Variants in PLEKHA5 observed in about 807,000 individuals in gnomAD.
PLEKHA5 encodes pleckstrin homology domain containing A5.
In PLEKHA5, 55 loss-of-function variants were observed where a neutral mutation model predicts 181.9. The ratio of observed to expected loss-of-function variants is 0.30; its 90% CI spans 0.24 to 0.38. The LOEUF (loss-of-function observed/expected upper bound fraction) is 0.38. Ranked by LOEUF, PLEKHA5 falls within the 10% of genes least tolerant of loss-of-function variation. PLEKHA5 has a pLI of 1.00. For missense variants in PLEKHA5, 1,432 were observed against 1,549.5 expected, an observed-to-expected ratio of 0.92 and a Z score of 1.27; for synonymous variants, 535 against 529.4, an observed-to-expected ratio of 1.01 and a Z score of -0.15.
intron 3 of PLEKHA5, among the ~76,000 whole-genome samples, chr12:19,224,771 G>A (rs2059455323): frequency 6.6e-6 from 1 of 152,128 alleles, no homozygotes; most frequent in Non-Finnish European, 1.5e-5. Context: ...TATTTCAAAA[G>A]TATATGGCTT....
intron 3 of PLEKHA5, among the ~76,000 whole-genome samples, chr12:19,214,255 G>C (rs985560542): frequency 6.6e-6 from 1 of 152,206 alleles, no homozygotes; most frequent in Non-Finnish European, 1.5e-5. Context: ...AGTGTTAACT[G>C]TCTCAGGTGC....
At chr12:19,318,583 A>C (rs935362406) in intron 16 of PLEKHA5, among the ~76,000 whole-genome samples, 1 of 152,196 alleles carries the variant, frequency 6.6e-6, no homozygotes, top group Admixed American at 6.6e-5. Context: ...AGTTATATTC[A>C]GATTCTGTAA....
chr12:19,247,224 A>G (rs951714653), intron 3 of PLEKHA5, among the ~76,000 whole-genome samples: 6 of 152,220 alleles, frequency 3.9e-5, no homozygotes, highest in African/African-American at 1.2e-4. Flanking sequence ...AGTTATTTAT[A>G]TAAAAGAAAC....
rs146867167 is a variant in PLEKHA5, at chr12:19,359,944, C to T, written c.3483+398C>T. 3.9e-4 allele frequency among the ~76,000 whole-genome samples: 58 copies of T among 149,180 alleles called. 1 individual carries two copies. The East Asian group carries it at 0.011, about 28-fold the overall frequency. On this transcript the variant is annotated intron_variant, in intron 28 of 31. Transcript: ENST00000429027. ...TCGCGCCACTACACTCCAGCCTGGGCGACAGAGGGAGGGAGACTCCATCTC... is the reference window on the plus strand; with the variant it reads ...TCGCGCCACTACACTCCAGCCTGGGTGACAGAGGGAGGGAGACTCCATCTC...
intron 21 of PLEKHA5, among the ~76,000 whole-genome samples, chr12:19,340,994 G>A (rs886792211): frequency 7.2e-5 from 11 of 151,966 alleles, no homozygotes; most frequent in Non-Finnish European, 1.3e-4. Context: ...AAAGTTGGCT[G>A]GGCACAGTGG....
intron 25 of PLEKHA5, among the ~76,000 whole-genome samples, chr12:19,353,136 C>G (rs989001742): frequency 1.3e-5 from 2 of 150,956 alleles, no homozygotes; most frequent in African/African-American, 2.4e-5. Flanking sequence ...GACTTTGACT[C>G]TTTTATTTTT....
rs574827777 is a variant in PLEKHA5, at chr12:19,177,519, C to G, written c.227+45069C>G. Among the ~76,000 whole-genome samples the G allele has an allele frequency of 1.1e-4, 17 of 152,250 alleles. No homozygotes were observed. In the South Asian group the frequency reaches 3.3e-3, roughly 30 times the overall value. ...GAGTTTCATTTTGAAAGGGTCAAAG[C>G]CTTTGGATCAGTTCCCACTGCAACA... On this transcript the variant is annotated intron_variant, in intron 3 of 31. Coordinates refer to ENST00000429027, the MANE Select transcript of PLEKHA5 (RefSeq NM_001256470.2).
intron 3 of PLEKHA5, among the ~76,000 whole-genome samples, chr12:19,198,296 A>G (rs1269826577): frequency 6.6e-6 from 1 of 152,096 alleles, no homozygotes; most frequent in Admixed American, 6.5e-5. Flanking sequence ...CTCTCACCCT[A>G]CCATACTCTA....
chr12:19,272,283 A>G (rs1455538577), intron 10 of PLEKHA5, among the ~76,000 whole-genome samples: 1 of 152,192 alleles, frequency 6.6e-6, no homozygotes, highest in Non-Finnish European at 1.5e-5. Flanking sequence ...ACTTTTTAAA[A>G]TTAGATCACA....
chr12:19,202,267 ATTTG>A (rs2054365208), intron 3 of PLEKHA5, among the ~76,000 whole-genome samples: 1 of 152,020 alleles, frequency 6.6e-6, no homozygotes, highest in African/African-American at 2.4e-5. Context: ...CTGTGTCCAG[ATTTG>A]TTTACCAGGT....
intron 3 of PLEKHA5, among the ~76,000 whole-genome samples, chr12:19,137,283 C>T (rs991001148): frequency 6.6e-6 from 1 of 152,136 alleles, no homozygotes; most frequent in African/African-American, 2.4e-5. Context: ...GTGATCCGCC[C>T]ACCTCGGCGT....
chr12:19,164,203 T>TG (rs1380273849), intron 3 of PLEKHA5, among the ~76,000 whole-genome samples: 2 of 145,928 alleles, frequency 1.4e-5, no homozygotes, highest in Non-Finnish European at 3.0e-5. Context: ...TTTTGTTTTT[T>TG]TTTTTTTTTT....
At chr12:19,275,304 C>A (rs1405019689) in intron 11 of PLEKHA5, among the ~76,000 whole-genome samples, 1 of 152,008 alleles carries the variant, frequency 6.6e-6, no homozygotes, top group Non-Finnish European at 1.5e-5. Flanking sequence ...CCTGTCTTGT[C>A]CCCTGCCATT....
intron 23 of PLEKHA5, 51 bp from the exon 24 acceptor site, chr12:19,346,943 G>T (rs1159299677): frequency 8.2e-7 from 1 of 1,213,776 alleles, no homozygotes; most frequent in Non-Finnish European, 1.1e-6. Flanking sequence ...ATTTAGATAT[G>T]CTTAATTCAA....
At position 19,253,930 on chromosome 12, in the gene PLEKHA5, C is replaced by G; in HGVS notation, c.228-10C>G. ...CTGCATGTTCTGTTTTTCTTTTTTC[C>G]TTTTTTCAGCCATAATGAAAGGAAA... On this transcript the variant is annotated splice_polypyrimidine_tract_variant and intron_variant, in intron 3 of 31. Coordinates refer to ENST00000429027, the MANE Select transcript of PLEKHA5 (RefSeq NM_001256470.2). 1 of 1,536,642 alleles carries G rather than the reference C, an allele frequency of 6.5e-7. No individual in the cohort carries two copies. The highest frequency in any genetic ancestry group is 8.9e-7 in the Non-Finnish European group (1 of 1,119,946).
intron 3 of PLEKHA5, among the ~76,000 whole-genome samples, chr12:19,162,997 G>C (rs547216475): frequency 1.3e-5 from 2 of 152,076 alleles, no homozygotes; most frequent in Admixed American, 6.6e-5. Flanking sequence ...TGCCTTTTAA[G>C]TGTTAAGAAA....
In PLEKHA5 at chr12:19,210,448, A is replaced by G. The variant is rs1027860151; in HGVS notation, c.228-43492A>G. Among the ~76,000 whole-genome samples, 6 of 152,176 alleles carry G rather than the reference A, an allele frequency of 3.9e-5. 1 individual carries two copies. ...TTTAACATGAATGATTTCCGGTGGA[A>G]GAGTTCTGGATTTTAGGAATTGGAA... On this transcript the variant is annotated intron_variant, in intron 3 of 31. Transcript: ENST00000429027.
intron 3 of PLEKHA5, among the ~76,000 whole-genome samples, chr12:19,214,318 G>T (rs2057523494): frequency 6.6e-6 from 1 of 152,218 alleles, no homozygotes; most frequent in South Asian, 2.1e-4. Flanking sequence ...GACTTTGTCA[G>T]TTAAAGAGAC....
At chr12:19,321,296 A>G (rs964372249) in intron 18 of PLEKHA5, among the ~76,000 whole-genome samples, 1 of 144,232 alleles carries the variant, frequency 6.9e-6, no homozygotes, top group South Asian at 2.2e-4. Context: ...CATATTTTAG[A>G]TTGCTGATTT....
Sources: allele counts gnomAD v4.1 joint callset (sites outside exome capture counted in the v4.1 genomes callset), GRCh38; gene constraint gnomAD v4.1.1; transcripts MANE v1.5; gene names NCBI Gene and HGNC (gene_info 2026-07-23, HGNC 2026-07-21).